The following XYLT1 variants were observed in gnomAD, a reference collection of about 807,000 sequenced individuals.
XYLT1 encodes the protein beta-D-xylosyltransferase 1.
Under a neutral mutation model 91.3 loss-of-function variants are expected in XYLT1, and 36 were observed. The ratio of observed to expected loss-of-function variants is 0.39; its 90% CI spans 0.30 to 0.52. XYLT1 has a LOEUF of 0.52. Among genes scored for constraint, XYLT1 ranks in the 20% least tolerant of loss-of-function variants. XYLT1 has a pLI of 0.68. For missense variants in XYLT1, 1,242 were observed against 1,284.5 expected (o/e 0.97, Z 0.51); for synonymous variants, 588 against 532.0 (o/e 1.11, Z -1.45).
At chr16:17,158,326 G>T (rs1030674512) in intron 6 of XYLT1, among the ~76,000 whole-genome samples, 1 of 152,204 alleles carries the variant, frequency 6.6e-6, no homozygotes. Flanking sequence ...GGACCCCTGG[G>T]TTCAAGTCCA....
At position 17,423,997 on chromosome 16, in the gene XYLT1, G is replaced by A. The variant is rs114405440; in HGVS notation, c.363+46437C>T. ...AAAATCCATGGGAACCTATAGGACCGTGGCCAAAGTCATCTCTGCCTCCCA... is the reference window on the plus strand; with the variant it reads ...AAAATCCATGGGAACCTATAGGACCATGGCCAAAGTCATCTCTGCCTCCCA... On this transcript the variant is annotated intron_variant, in intron 1 of 11. Transcript: ENST00000261381. Among the ~76,000 whole-genome samples the A allele has an allele frequency of 5.0e-3, 762 of 152,232 alleles. 3 individuals carry two copies. The highest frequency in any genetic ancestry group is 0.017 in the African/African-American group (713 of 41,538).
At chr16:17,176,497 C>G (rs2031947246) in intron 5 of XYLT1, among the ~76,000 whole-genome samples, 1 of 152,218 alleles carries the variant, frequency 6.6e-6, no homozygotes, top group South Asian at 2.1e-4. Flanking sequence ...TGAACTCAGG[C>G]TCTGCTGCCT....
chr16:17,167,763 T>G (rs753628159), intron 5 of XYLT1, among the ~76,000 whole-genome samples: 8 of 152,132 alleles, frequency 5.3e-5, no homozygotes, highest in Non-Finnish European at 1.2e-4. Flanking sequence ...ATGCATGGAT[T>G]CTAACTCATC....
intron 3 of XYLT1, among the ~76,000 whole-genome samples, chr16:17,218,898 T>C (rs188324865): frequency 8.8e-4 from 134 of 151,880 alleles, no homozygotes; most frequent in Non-Finnish European, 1.4e-3. Context: ...TGCCTGTGAG[T>C]GTGCTATACC....
intron 3 of XYLT1, among the ~76,000 whole-genome samples, chr16:17,255,606 T>TAGA (rs2033618906): frequency 6.6e-6 from 1 of 152,222 alleles, no homozygotes; most frequent in African/African-American, 2.4e-5. Flanking sequence ...CTACACTCTG[T>TAGA]GTGCCAAATC....
intron 5 of XYLT1, among the ~76,000 whole-genome samples, chr16:17,170,606 C>T (rs554717390): frequency 6.6e-6 from 1 of 152,272 alleles, no homozygotes; most frequent in South Asian, 2.1e-4. Flanking sequence ...AATGTCAGTT[C>T]CACTGGGAAA....
At chr16:17,470,085 G>A (rs1323431246) in intron 1 of XYLT1, among the ~76,000 whole-genome samples, 1 of 142,064 alleles carries the variant, frequency 7.0e-6, no homozygotes, top group East Asian at 2.1e-4. Flanking sequence ...ACTCAGGCAG[G>A]GAGCGAGTCA....
At chr16:17,129,280 G>C (rs1275902930) in intron 9 of XYLT1, among the ~76,000 whole-genome samples, 1 of 151,966 alleles carries the variant, frequency 6.6e-6, no homozygotes, top group Non-Finnish European at 1.5e-5. Flanking sequence ...ATTTATTTTT[G>C]AGGCAGAGTC....
At chr16:17,115,867 G>A (rs58390377) in intron 11 of XYLT1, among the ~76,000 whole-genome samples, 1 of 132,082 alleles carries the variant, frequency 7.6e-6, no homozygotes, top group Non-Finnish European at 1.6e-5. Flanking sequence ...ATCATCATCA[G>A]CAGCAACAAC....
At chr16:17,459,976 G>C (rs990087567) in intron 1 of XYLT1, among the ~76,000 whole-genome samples, 9 of 152,178 alleles carry the variant, frequency 5.9e-5, no homozygotes, top group Non-Finnish European at 5.9e-5. Flanking sequence ...TTGAAGACAT[G>C]AGCCCCGTCT....
At chr16:17,324,918 T>C (rs2034776331) in intron 2 of XYLT1, among the ~76,000 whole-genome samples, 1 of 152,150 alleles carries the variant, frequency 6.6e-6, no homozygotes, top group Non-Finnish European at 1.5e-5. Flanking sequence ...AAATGAATAT[T>C]CCATTTATGA....
At position 17,108,685 on chromosome 16, in the gene XYLT1, G is replaced by C; in HGVS notation, c.*10C>G. 1.3e-6 allele frequency: 2 copies of C among 1,552,556 alleles called. No individual in the cohort carries two copies. The highest frequency in any genetic ancestry group is 1.7e-6 in the Non-Finnish European group (2 of 1,149,936). ...GAGATCCTGCTGTGGCCCACTCCTC[G>C]TGCCCAGTGCTACCTGAGCCGGCCA... On this transcript the variant is annotated 3_prime_UTR_variant, in exon 12 of 12. Transcript: ENST00000261381.
intron 2 of XYLT1, among the ~76,000 whole-genome samples, chr16:17,328,797 A>G (rs2034853638): frequency 6.6e-6 from 1 of 152,106 alleles, no homozygotes. Context: ...ACACACATTC[A>G]GCGTACTCTA....
At chr16:17,304,654 A>AT (rs996786207) in intron 2 of XYLT1, among the ~76,000 whole-genome samples, 17 of 150,440 alleles carry the variant, frequency 1.1e-4, no homozygotes, top group South Asian at 6.3e-4. Flanking sequence ...CACAGTTAAG[A>AT]TTTTTTTTTT....
At chr16:17,115,994 AAAAAGC>A (rs1241809852) in intron 11 of XYLT1, among the ~76,000 whole-genome samples, 4 of 99,826 alleles carry the variant, frequency 4.0e-5, no homozygotes, top group Non-Finnish European at 8.4e-5. Context: ...AAAAAAAAAA[AAAAAGC>A]AATCTTACAG....
chr16:17,394,310 G>A lies in XYLT1; in HGVS notation c.364-36260C>T, dbSNP rs771529193. 5.3e-4 allele frequency among the ~76,000 whole-genome samples: 81 copies of A among 152,276 alleles called. 1 individual carries two copies. Among genetic ancestry groups the A allele is most frequent in the Non-Finnish European group, 3.7e-4 (25 of 68,026 alleles). Reference sequence around the variant, plus strand: ...GGCTCATGTCACCCACCACAGCAGCGATCACCGTTGCAGTTCACGGAGAAC... The same window carrying A: ...GGCTCATGTCACCCACCACAGCAGCAATCACCGTTGCAGTTCACGGAGAAC... On this transcript the variant is annotated intron_variant, in intron 1 of 11. Transcript: ENST00000261381.
At chr16:17,328,628 T>G (rs899885001) in intron 2 of XYLT1, among the ~76,000 whole-genome samples, 4 of 142,300 alleles carry the variant, frequency 2.8e-5, no homozygotes, top group Admixed American at 1.4e-4. Context: ...GAAAAAAAAT[T>G]ATCAAAAAAG....
In XYLT1 at chr16:17,123,889, C is replaced by T. The variant is rs189107221; in HGVS notation, c.2223+3777G>A. ...TAGTCCTTTTATCATTATATAATGT[C>T]CCTCTTTGTCTTTTTTAATTGCTGT... On this transcript the variant is annotated intron_variant, in intron 10 of 11. Coordinates refer to ENST00000261381, the MANE Select transcript of XYLT1 (RefSeq NM_022166.4). Among the ~76,000 whole-genome samples, 844 of 152,170 alleles carry T rather than the reference C, an allele frequency of 5.5e-3. 5 individuals are homozygous for T. The highest frequency in any genetic ancestry group is 8.2e-3 in the Non-Finnish European group (561 of 68,012).
At chr16:17,178,136 T>C (rs972902677) in intron 5 of XYLT1, among the ~76,000 whole-genome samples, 1 of 152,106 alleles carries the variant, frequency 6.6e-6, no homozygotes, top group Non-Finnish European at 1.5e-5. Flanking sequence ...TGGATAGCCA[T>C]GGAGGACTGT....
Sources: gnomAD v4.1 joint callset for allele counts (sites outside exome capture counted in the v4.1 genomes callset) on GRCh38, gnomAD v4.1.1 for gene constraint, MANE v1.5 for transcripts, NCBI Gene and HGNC (gene_info 2026-07-23, HGNC 2026-07-21) for gene names.